Variants in ASIC2 observed in about 807,000 individuals in gnomAD.
The protein encoded by ASIC2 is acid-sensing ion channel 2.
ASIC2 carries 25 observed loss-of-function variants against 57.3 expected under a neutral mutation model. The observed-to-expected ratio is 0.44, with a 90% confidence interval of 0.32 to 0.61. The LOEUF is 0.61. Ranked by LOEUF, ASIC2 falls within the 20% of genes least tolerant of loss-of-function variation. The pLI, the probability that ASIC2 is intolerant of heterozygous loss-of-function variation, is 0.06. For synonymous variants in ASIC2, 319 were observed against 307.5 expected (o/e 1.04, Z -0.39); for missense variants, 641 against 738.1 (o/e 0.87, Z 1.52).
At chr17:33,857,664 G>C (rs1303936152) in intron 1 of ASIC2, among the ~76,000 whole-genome samples, 5 of 152,192 alleles carry the variant, frequency 3.3e-5, no homozygotes, top group Non-Finnish European at 5.9e-5. Flanking sequence ...TCGAGGCGCT[G>C]AGGTATCATC....
At chr17:33,362,429 C>T (rs1567835996) in intron 1 of ASIC2, among the ~76,000 whole-genome samples, 2 of 152,142 alleles carry the variant, frequency 1.3e-5, no homozygotes, top group Admixed American at 6.5e-5. Flanking sequence ...TAGAGGAGTG[C>T]CTGGGTACTG....
chr17:33,502,346 A>G (rs544024963), intron 1 of ASIC2, among the ~76,000 whole-genome samples: 1 of 152,196 alleles, frequency 6.6e-6, no homozygotes, highest in South Asian at 2.1e-4. Context: ...GCCCTGGGGG[A>G]CAGAGACATC....
chr17:33,972,890 C>T (rs1366899731), intron 1 of ASIC2, among the ~76,000 whole-genome samples: 2 of 152,216 alleles, frequency 1.3e-5, no homozygotes, highest in Non-Finnish European at 2.9e-5. Context: ...TGCAGACAAA[C>T]CTTGCCAAGC....
intron 1 of ASIC2, among the ~76,000 whole-genome samples, chr17:33,651,484 A>C (rs1307699425): frequency 6.6e-6 from 1 of 152,236 alleles, no homozygotes; most frequent in East Asian, 1.9e-4. Flanking sequence ...TGCATTCGCA[A>C]GCTGCCCTGC....
intron 1 of ASIC2, among the ~76,000 whole-genome samples, chr17:33,570,816 C>T (rs1916408821): frequency 6.6e-6 from 1 of 152,130 alleles, no homozygotes; most frequent in African/African-American, 2.4e-5. Context: ...TCTCTCTCTC[C>T]ATGTGGCATC....
At chr17:33,945,770 A>G (rs1311497530) in intron 1 of ASIC2, among the ~76,000 whole-genome samples, 2 of 152,158 alleles carry the variant, frequency 1.3e-5, no homozygotes, top group Non-Finnish European at 2.9e-5. Flanking sequence ...AAATACATCA[A>G]TCCACTTTCC....
intron 1 of ASIC2, among the ~76,000 whole-genome samples, chr17:33,995,124 C>T (rs1244979343): frequency 6.6e-6 from 1 of 152,154 alleles, no homozygotes; most frequent in Non-Finnish European, 1.5e-5. Context: ...CAACACCAGG[C>T]TGTGTCATCC....
intron 1 of ASIC2, among the ~76,000 whole-genome samples, chr17:34,086,975 G>A (rs550085534): frequency 0.028 from 4,242 of 152,054 alleles, 201 homozygotes; most frequent in African/African-American, 0.097. Flanking sequence ...CACACTGATG[G>A]GTCTTGACTC....
chr17:34,111,544 A>G (rs550348075), intron 1 of ASIC2, among the ~76,000 whole-genome samples: 6 of 152,224 alleles, frequency 3.9e-5, no homozygotes, highest in Non-Finnish European at 7.4e-5. Flanking sequence ...TTGCCTATCT[A>G]TTCTGAGCTA....
At chr17:33,189,770 C>A (rs1906341701) in intron 1 of ASIC2, among the ~76,000 whole-genome samples, 1 of 152,102 alleles carries the variant, frequency 6.6e-6, no homozygotes, top group African/African-American at 2.4e-5. Flanking sequence ...AACCTGTATA[C>A]CCTTAACAAC....
chr17:34,017,265 G>A (rs1268574664), intron 1 of ASIC2, among the ~76,000 whole-genome samples: 4 of 152,084 alleles, frequency 2.6e-5, no homozygotes, highest in Non-Finnish European at 5.9e-5. Flanking sequence ...GTAATTGTTT[G>A]GGGGCATCAT....
At chr17:33,736,874 A>G (rs1909928552) in intron 1 of ASIC2, among the ~76,000 whole-genome samples, 1 of 152,236 alleles carries the variant, frequency 6.6e-6, no homozygotes, top group South Asian at 2.1e-4. Context: ...GACATATATC[A>G]TGGGCATGTT....
At chr17:33,908,139 C>G (rs1915389491) in intron 1 of ASIC2, among the ~76,000 whole-genome samples, 1 of 152,146 alleles carries the variant, frequency 6.6e-6, no homozygotes, top group African/African-American at 2.4e-5. Flanking sequence ...CCCTGGAACC[C>G]CCTTTGAGAA....
intron 1 of ASIC2, among the ~76,000 whole-genome samples, chr17:33,278,680 C>T (rs576819032): frequency 2.4e-4 from 37 of 152,162 alleles, no homozygotes; most frequent in South Asian, 2.3e-3. Context: ...CCATATTTCC[C>T]GGGATCCCTG....
intron 1 of ASIC2, among the ~76,000 whole-genome samples, chr17:33,728,352 G>A (rs1159160400): frequency 1.3e-5 from 2 of 152,046 alleles, no homozygotes; most frequent in African/African-American, 4.8e-5. Context: ...CCCTAAAATT[G>A]TACCCTGATT....
intron 1 of ASIC2, among the ~76,000 whole-genome samples, chr17:34,151,069 C>T (rs1039326123): frequency 6.8e-6 from 1 of 146,416 alleles, no homozygotes; most frequent in South Asian, 2.2e-4. Context: ...CACAACTGCA[C>T]TCCAGCCTGG....
chr17:33,168,499 A>G (rs1029045755), intron 1 of ASIC2, among the ~76,000 whole-genome samples: 5 of 152,232 alleles, frequency 3.3e-5, no homozygotes, highest in Non-Finnish European at 4.4e-5. Flanking sequence ...TGGTAGAAAT[A>G]TGGATGATAA....
chr17:33,170,334 C>A (rs577022286), intron 1 of ASIC2, among the ~76,000 whole-genome samples: 1 of 152,266 alleles, frequency 6.6e-6, no homozygotes, highest in Non-Finnish European at 1.5e-5. Flanking sequence ...AAAAGATTCA[C>A]CTCTAAATTC....
chr17:33,376,913 C>T (rs1247244236), intron 1 of ASIC2, among the ~76,000 whole-genome samples: 4 of 152,098 alleles, frequency 2.6e-5, no homozygotes, highest in East Asian at 1.9e-4. Context: ...ACAATCACCC[C>T]GGAGAGAGAT....
Sources: gnomAD v4.1 joint callset for allele counts (sites outside exome capture counted in the v4.1 genomes callset) on GRCh38, gnomAD v4.1.1 for gene constraint, MANE v1.5 for transcripts, NCBI Gene and HGNC (gene_info 2026-07-23, HGNC 2026-07-21) for gene names.